Variants in RHBDF2 observed in about 807,000 individuals in gnomAD.
The protein encoded by RHBDF2 is inactive rhomboid protein 2.
In RHBDF2, 38 loss-of-function variants were observed where a neutral mutation model predicts 95.2. The ratio of observed to expected loss-of-function variants is 0.40; its 90% CI spans 0.31 to 0.52. The LOEUF (loss-of-function observed/expected upper bound fraction) is 0.52, where lower values mean the gene tolerates loss of function less well. RHBDF2 is among the 20% of genes least tolerant of loss of function. The pLI is 0.56. For missense variants in RHBDF2, 863 were observed against 1,137.7 expected (o/e 0.76, Z 3.47); for synonymous variants, 442 against 462.0 (o/e 0.96, Z 0.55).
intron 2 of RHBDF2, among the ~76,000 whole-genome samples, chr17:76,484,772 C>T (rs1009601804): frequency 1.3e-5 from 2 of 152,166 alleles, no homozygotes; most frequent in African/African-American, 4.8e-5. Context: ...CCCAGCTTTC[C>T]TGGGCCCCTC....
chr17:76,473,183 G>A (rs1382282507), intron 16 of RHBDF2, 69 bp downstream of exon 16: 11 of 1,587,252 alleles, frequency 6.9e-6, no homozygotes, highest in Admixed American at 5.1e-5. Flanking sequence ...GAGTGCGTGA[G>A]CCCCGGCCCC....
chr17:76,477,118 G>A (rs1218834683), intron 8 of RHBDF2, 62 bp downstream of exon 8: 2 of 1,610,636 alleles, frequency 1.2e-6, no homozygotes, highest in Non-Finnish European at 1.7e-6. Context: ...GCCAGGGTGA[G>A]GTCTGGGGAT....
rs1311778418 is a variant in RHBDF2 at position 76,481,481 on chromosome 17, GAC to G, written c.42_43del (p.Ser15GlnfsTer35). 1 of 1,610,448 alleles carries G rather than the reference GAC, an allele frequency of 6.2e-7. No homozygotes were observed. The highest frequency in any genetic ancestry group is 8.5e-7 in the Non-Finnish European group (1 of 1,179,572). ...CTTCCGGCTCTGCAGGCGGCTGCTG[GAC>G]ACAGAGGACACGCTCCCGCCATTCT... On this transcript the variant is annotated frameshift_variant, in exon 3 of 19. Transcript: ENST00000675367. LOFTEE classifies it high-confidence loss of function.
intron 2 of RHBDF2, among the ~76,000 whole-genome samples, chr17:76,484,439 G>A (rs2074060822): frequency 6.6e-6 from 1 of 151,808 alleles, no homozygotes; most frequent in Non-Finnish European, 1.5e-5. Flanking sequence ...TGGCATGCAC[G>A]GGTCGGCGAG....
intron 1 of RHBDF2, among the ~76,000 whole-genome samples, chr17:76,495,142 G>C (rs1007947753): frequency 6.6e-6 from 1 of 152,202 alleles, no homozygotes; most frequent in South Asian, 2.1e-4. Context: ...TCTGCATCCC[G>C]GCAGCCGGGT....
intron 2 of RHBDF2, among the ~76,000 whole-genome samples, chr17:76,484,389 C>G (rs1315903887): frequency 6.6e-6 from 1 of 152,186 alleles, no homozygotes; most frequent in African/African-American, 2.4e-5. Flanking sequence ...ACCCATCTCC[C>G]TGGGAGCCCT....
intron 1 of RHBDF2, among the ~76,000 whole-genome samples, chr17:76,497,714 T>G (rs911671354): frequency 1.3e-5 from 2 of 152,132 alleles, no homozygotes; most frequent in African/African-American, 4.8e-5. Context: ...GGTAGATTAC[T>G]GTTAGTGAGC....
intron 4 of RHBDF2, 83 bp downstream of exon 4, chr17:76,479,650 G>T: frequency 1.9e-6 from 2 of 1,076,944 alleles, no homozygotes; most frequent in South Asian, 1.4e-5. Flanking sequence ...GGGACGCAGG[G>T]ACCAGGCCCA....
intron 9 of RHBDF2, among the ~76,000 whole-genome samples, 167 bp from the exon 10 acceptor site, chr17:76,475,308 C>A (rs2073736174): frequency 6.6e-6 from 1 of 152,250 alleles, no homozygotes; most frequent in African/African-American, 2.4e-5. Context: ...CCAAGCATCT[C>A]TCTCCTAGCT....
At chr17:76,472,942 C>G (rs1226570022) in intron 17 of RHBDF2, 63 bp downstream of exon 17, 2 of 1,601,192 alleles carry the variant, frequency 1.2e-6, no homozygotes, top group Non-Finnish European at 8.5e-7. Context: ...GAACCTTTCC[C>G]CAGGGGTCCG....
rs746326205 is a variant in RHBDF2 at position 76,481,558 on chromosome 17, C to T, written c.-21-13G>A. 5 of 1,596,598 alleles carry T rather than the reference C, an allele frequency of 3.1e-6. No homozygotes were observed. Among genetic ancestry groups the T allele is most frequent in the Non-Finnish European group, 3.4e-6 (4 of 1,175,542 alleles). ...GGAGGCGGGAGGGCTGGAATGGAGA[C>T]CGGGAGAGCAGCGGTGGGCGGTGCG... On this transcript the variant is annotated splice_polypyrimidine_tract_variant and intron_variant, in intron 2 of 18. Coordinates refer to ENST00000675367, the MANE Select transcript of RHBDF2 (RefSeq NM_001005498.4).
chr17:76,491,366 T>A (rs866127920), intron 1 of RHBDF2, among the ~76,000 whole-genome samples: 2 of 152,004 alleles, frequency 1.3e-5, no homozygotes, highest in African/African-American at 4.8e-5. Context: ...AACCTCCTGA[T>A]GAGAGAGGCT....
Position 76,481,371 on chromosome 17 carries a change from T to A in RHBDF2, c.150+4A>T. On this transcript the variant is annotated splice_donor_region_variant and intron_variant, in intron 3 of 18. Coordinates refer to ENST00000675367, the MANE Select transcript of RHBDF2 (RefSeq NM_001005498.4). ...ACAGTGAGCCCCCAGGCCAGCCCCCTTACCTCAGGCAGCATGCTGTCCTGC... is the reference window on the plus strand; with the variant it reads ...ACAGTGAGCCCCCAGGCCAGCCCCCATACCTCAGGCAGCATGCTGTCCTGC... The A allele has an allele frequency of 1.2e-6, 2 of 1,609,596 alleles. No homozygotes were observed. The highest frequency in any genetic ancestry group is 1.7e-6 in the Non-Finnish European group (2 of 1,178,690).
At chr17:76,483,890 C>A (rs908464907) in intron 2 of RHBDF2, among the ~76,000 whole-genome samples, 1 of 152,180 alleles carries the variant, frequency 6.6e-6, no homozygotes, top group Non-Finnish European at 1.5e-5. Context: ...TCTGACTCCA[C>A]CAGAATTAAC....
At chr17:76,491,694 G>A (rs867674085) in intron 1 of RHBDF2, among the ~76,000 whole-genome samples, 54 of 152,344 alleles carry the variant, frequency 3.5e-4, no homozygotes, top group Middle Eastern at 3.4e-3. Context: ...CTTTGCACCA[G>A]CCACTTTCCA....
chr17:76,479,377 C>T (rs1356164957), intron 4 of RHBDF2, 100 bp from the exon 5 acceptor site: 13 of 1,504,728 alleles, frequency 8.6e-6, no homozygotes, highest in Middle Eastern at 3.4e-4. Context: ...CGCGTGCCTA[C>T]AGGGAGGTGG....
In RHBDF2 at chr17:76,486,043, T is replaced by C. The variant is rs569976369; in HGVS notation, c.-22+1669A>G. Among the ~76,000 whole-genome samples the C allele has an allele frequency of 7.3e-5, 11 of 150,828 alleles. No individual in the cohort carries two copies. The South Asian group carries it at 2.3e-3, about 32-fold the overall frequency. The stretch of plus-strand genomic sequence containing the variant: ...TGAAAGCAATCTGAAACTGTGGTGA[T>C]GGTGGCACAATTCTGTGAATATGTA... On this transcript the variant is annotated intron_variant, in intron 2 of 18. Coordinates refer to ENST00000675367, the MANE Select transcript of RHBDF2 (RefSeq NM_001005498.4).
intron 3 of RHBDF2, among the ~76,000 whole-genome samples, chr17:76,481,084 G>C (rs931537093): frequency 1.8e-4 from 27 of 152,190 alleles, no homozygotes; most frequent in Non-Finnish European, 3.5e-4. Flanking sequence ...CCAGGCCTAG[G>C]GGGTGAAATG....
intron 9 of RHBDF2, 175 bp downstream of exon 9, chr17:76,476,655 A>T: frequency 2.1e-6 from 2 of 948,828 alleles, no homozygotes; most frequent in Non-Finnish European, 3.0e-6. Context: ...GGCCCTTCCC[A>T]GGTCATGTGC....
Sources: gnomAD v4.1 joint callset for allele counts (sites outside exome capture counted in the v4.1 genomes callset) on GRCh38, gnomAD v4.1.1 for gene constraint, MANE v1.5 for transcripts, NCBI Gene and HGNC (gene_info 2026-07-23, HGNC 2026-07-21) for gene names.